The following COL5A2 variants were observed in gnomAD, a reference collection of about 807,000 sequenced individuals.
COL5A2 encodes collagen alpha-2(V) chain.
In COL5A2, 23 loss-of-function variants were observed where a neutral mutation model predicts 208.2. That is an observed-to-expected ratio of 0.11 (90% confidence interval 0.08 to 0.16). COL5A2 has a LOEUF of 0.16. Ranked by LOEUF, COL5A2 falls within the 10% of genes least tolerant of loss-of-function variation. COL5A2 has a pLI of 1.00. For missense variants in COL5A2, 1,590 were observed against 1,956.4 expected, an observed-to-expected ratio of 0.81 and a Z score of 3.53; for synonymous variants, 625 against 628.5, an observed-to-expected ratio of 0.99 and a Z score of 0.08.
At chr2:189,212,499 CGTG>C (rs1689226308) in intron 1 of COL5A2, among the ~76,000 whole-genome samples, 1 of 151,676 alleles carries the variant, frequency 6.6e-6, no homozygotes, top group Non-Finnish European at 1.5e-5. Context: ...ATTAGCTGGG[CGTG>C]GTGGTGGGCG....
At chr2:189,063,638 A>T (rs1686082259) in intron 26 of COL5A2, among the ~76,000 whole-genome samples, 1 of 152,320 alleles carries the variant, frequency 6.6e-6, no homozygotes, top group African/African-American at 2.4e-5. Context: ...CAAAATTCAT[A>T]CCTACTTATC....
the COL5A2 span, among the ~76,000 whole-genome samples, chr2:189,328,832 T>C: frequency 6.6e-6 from 1 of 152,324 alleles, no homozygotes; most frequent in South Asian, 2.1e-4. Flanking sequence ...GACTGTCACA[T>C]AGTATGTGAT....
intron 11 of COL5A2, 133 bp downstream of exon 11, chr2:189,085,027 T>G (rs888261466): frequency 1.4e-6 from 1 of 725,376 alleles, no homozygotes; most frequent in East Asian, 2.9e-5. Flanking sequence ...TGAGTGCTCC[T>G]GTTTACATTG....
At chr2:189,322,738 T>C in the COL5A2 span, among the ~76,000 whole-genome samples, 2 of 152,200 alleles carry the variant, frequency 1.3e-5, no homozygotes, top group Non-Finnish European at 2.9e-5. Flanking sequence ...AGCCGAATTC[T>C]ACCAGAGGTA....
At chr2:189,209,208 G>A (rs1324733485) in intron 1 of COL5A2, among the ~76,000 whole-genome samples, 2 of 151,930 alleles carry the variant, frequency 1.3e-5, no homozygotes, top group Non-Finnish European at 2.9e-5. Context: ...TCTTTATATT[G>A]AAAAACTCAG....
chr2:189,171,301 G>T lies in COL5A2; in HGVS notation c.97+8207C>A, dbSNP rs539964178. Among the ~76,000 whole-genome samples, 148 of 152,262 alleles carry T rather than the reference G, an allele frequency of 9.7e-4. 1 individual carries two copies. The highest frequency in any genetic ancestry group is 2.0e-3 in the Admixed American group (30 of 15,284). The stretch of plus-strand genomic sequence containing the variant: ...CAAGTTACAGGACCCAATGAAAGTT[G>T]TTAAGGAAGGTAAATACAAAATTAG... On this transcript the variant is annotated intron_variant, in intron 1 of 53. Transcript: ENST00000374866.
chr2:189,264,449 T>C, the COL5A2 span, among the ~76,000 whole-genome samples: 1 of 152,170 alleles, frequency 6.6e-6, no homozygotes, highest in Non-Finnish European at 1.5e-5. Context: ...AGGGAAATTC[T>C]AAAGCATGTA....
At chr2:189,294,745 T>C in the COL5A2 span, among the ~76,000 whole-genome samples, 1 of 152,220 alleles carries the variant, frequency 6.6e-6, no homozygotes, top group African/African-American at 2.4e-5. Flanking sequence ...TAAATATCTA[T>C]GAATAAAAAT....
chr2:189,208,009 T>C (rs1689162630), intron 1 of COL5A2, among the ~76,000 whole-genome samples: 1 of 152,206 alleles, frequency 6.6e-6, no homozygotes, highest in Non-Finnish European at 1.5e-5. Context: ...ACTAAGACCT[T>C]AGAGTGTGCA....
the COL5A2 span, among the ~76,000 whole-genome samples, chr2:189,364,246 G>A: frequency 6.6e-6 from 1 of 152,174 alleles, no homozygotes; most frequent in Non-Finnish European, 1.5e-5. Context: ...GAGTATATCT[G>A]CTTGTGATAC....
the COL5A2 span, among the ~76,000 whole-genome samples, chr2:189,298,535 T>C: frequency 6.6e-6 from 1 of 152,176 alleles, no homozygotes; most frequent in Non-Finnish European, 1.5e-5. Context: ...CCTGACTTCA[T>C]CTTTGCTACA....
chr2:189,431,048 C>A, the COL5A2 span, among the ~76,000 whole-genome samples: 127 of 152,326 alleles, frequency 8.3e-4, no homozygotes, highest in African/African-American at 3.0e-3. Context: ...GATACCCAGG[C>A]AAACAGGGTC....
chr2:189,337,461 C>T, the COL5A2 span, among the ~76,000 whole-genome samples: 599 of 152,132 alleles, frequency 3.9e-3, 3 homozygotes, highest in African/African-American at 0.014. Flanking sequence ...GGATTACAGG[C>T]GTGAGCCACC....
At position 189,066,420 on chromosome 2, in the gene COL5A2, T is replaced by C; in HGVS notation, c.1533A>G (p.Thr511=). ...GKRGPRGDPG[T]VGPPGPVGER... is the part of the protein sequence containing the mutation. ...CTCCCACTGGCCCTGGAGGACCAACTGTTCCTGGGTCACCTCTGGGACCTC... is the reference window on the plus strand; with the variant it reads ...CTCCCACTGGCCCTGGAGGACCAACCGTTCCTGGGTCACCTCTGGGACCTC... The change falls in exon 23 of 54, where the codon ACA becomes ACG. Residue 511 remains threonine (T), a synonymous_variant. Transcript: ENST00000374866. The C allele has an allele frequency of 6.2e-7, 1 of 1,614,204 alleles. No homozygotes were observed. Among genetic ancestry groups the C allele is most frequent in the South Asian group, 1.1e-5 (1 of 91,086 alleles).
chr2:189,411,877 C>A, the COL5A2 span, among the ~76,000 whole-genome samples: 3 of 152,064 alleles, frequency 2.0e-5, no homozygotes, highest in Admixed American at 2.0e-4. Context: ...TTACTTCAAG[C>A]AACAGTTTCC....
At chr2:189,307,210 C>T in the COL5A2 span, among the ~76,000 whole-genome samples, 1 of 151,954 alleles carries the variant, frequency 6.6e-6, no homozygotes, top group Non-Finnish European at 1.5e-5. Context: ...CTTCCCTTTA[C>T]ACTTAAATTT....
the COL5A2 span, among the ~76,000 whole-genome samples, chr2:189,335,867 A>T: frequency 2.6e-5 from 4 of 152,156 alleles, no homozygotes; most frequent in East Asian, 3.8e-4. Context: ...GAATATACTA[A>T]AAAACACTGA....
chr2:189,111,891 G>A (rs562603998), intron 1 of COL5A2, among the ~76,000 whole-genome samples: 1 of 150,240 alleles, frequency 6.7e-6, no homozygotes, highest in East Asian at 1.9e-4. Context: ...TTAAAATGGA[G>A]TTTTGTTCTT....
At chr2:189,051,512 G>T (rs1280381825) in intron 41 of COL5A2, 31 bp from the exon 42 acceptor site, 3 of 1,581,606 alleles carry the variant, frequency 1.9e-6, no homozygotes, top group Non-Finnish European at 2.6e-6. Flanking sequence ...ACACCAAGGA[G>T]GGCAAAATGG....
Sources: gnomAD v4.1 joint callset for allele counts (sites outside exome capture counted in the v4.1 genomes callset) on GRCh38, gnomAD v4.1.1 for gene constraint, MANE v1.5 for transcripts, NCBI Gene and HGNC (gene_info 2026-07-23, HGNC 2026-07-21) for gene names.